Variants in SLC43A2 observed in about 807,000 individuals in gnomAD.
SLC43A2 encodes the protein large neutral amino acids transporter small subunit 4.
A neutral mutation model predicts 63.2 loss-of-function variants in SLC43A2; 38 were observed. The ratio of observed to expected loss-of-function variants is 0.60; its 90% CI spans 0.46 to 0.79. SLC43A2 has a LOEUF of 0.79. Ranked by LOEUF, SLC43A2 falls within the 30% of genes least tolerant of loss-of-function variation. SLC43A2 has a pLI of 0.00. For missense variants in SLC43A2, 644 were observed against 756.2 expected (o/e 0.85, Z 1.74); for synonymous variants, 322 against 331.0 (o/e 0.97, Z 0.30).
chr17:1,595,141 T>C (rs1461525907), intron 5 of SLC43A2, among the ~76,000 whole-genome samples: 1 of 151,634 alleles, frequency 6.6e-6, no homozygotes, highest in Non-Finnish European at 1.5e-5. Context: ...ATTAGCCGGA[T>C]GTGGTGGCAG....
intron 11 of SLC43A2, among the ~76,000 whole-genome samples, chr17:1,581,809 T>G (rs957703511): frequency 2.0e-5 from 3 of 151,262 alleles, no homozygotes; most frequent in Middle Eastern, 3.4e-3. Flanking sequence ...AAATTCAGTT[T>G]TTTTTTTTTT....
At chr17:1,615,685 T>TAAATAACACAC (rs1447376127) in intron 3 of SLC43A2, among the ~76,000 whole-genome samples, 3 of 148,244 alleles carry the variant, frequency 2.0e-5, no homozygotes, top group Non-Finnish European at 4.5e-5. Flanking sequence ...CTACTAAAAA[T>TAAATAACACAC]ACAAAAAATT....
At chr17:1,594,671 T>C (rs1477893125) in intron 5 of SLC43A2, among the ~76,000 whole-genome samples, 1 of 143,626 alleles carries the variant, frequency 7.0e-6, no homozygotes, top group African/African-American at 2.6e-5. Flanking sequence ...CACTGCAAGC[T>C]CCGCCTCCCA....
chr17:1,600,110 T>C (rs1905794701), intron 5 of SLC43A2, among the ~76,000 whole-genome samples: 1 of 139,948 alleles, frequency 7.1e-6, no homozygotes, highest in South Asian at 2.2e-4. Context: ...CTTTTTTTTT[T>C]TTACAGTAAG....
intron 5 of SLC43A2, chr17:1,604,949 G>A (rs756077192): frequency 2.7e-6 from 4 of 1,499,446 alleles, no homozygotes; most frequent in Non-Finnish European, 1.8e-6. Context: ...CGGAGTGAGG[G>A]CTGAGCGCTG....
intron 2 of SLC43A2, among the ~76,000 whole-genome samples, chr17:1,618,291 T>G (rs565153693): frequency 1.3e-5 from 2 of 152,352 alleles, no homozygotes; most frequent in East Asian, 3.9e-4. Flanking sequence ...TCTAGCTCAG[T>G]TTCCTTGTCC....
Position 1,572,534 on chromosome 17 carries a change from G to T in SLC43A2, c.*3070C>A, listed in dbSNP as rs1250820408. The stretch of plus-strand genomic sequence containing the variant: ...GATGATCATATGTGTTTAACTCCCA[G>T]ATTGTTATCAAGTCAAGGACAACAA... On this transcript the variant is annotated 3_prime_UTR_variant, in exon 14 of 14. Transcript: ENST00000301335. 2 of 152,238 alleles carry T rather than the reference G, an allele frequency of 1.3e-5. No homozygotes were observed. Among genetic ancestry groups the T allele is most frequent in the Admixed American group, 1.3e-4 (2 of 15,278 alleles). The allele number at this position is 152,238 out of a possible 1,614,324, so 9.4% of individuals were successfully genotyped here.
chr17:1,590,547 A>ACACACCC (rs556506769), intron 9 of SLC43A2, among the ~76,000 whole-genome samples: 5 of 152,050 alleles, frequency 3.3e-5, no homozygotes, highest in African/African-American at 7.2e-5. Context: ...ACTGGAAAAC[A>ACACACCC]CACACCCCAC....
chr17:1,596,970 A>T (rs562927599), intron 5 of SLC43A2, among the ~76,000 whole-genome samples: 6 of 152,266 alleles, frequency 3.9e-5, no homozygotes, highest in African/African-American at 1.4e-4. Flanking sequence ...TCATCCCAGC[A>T]CTTTGGGAGG....
At chr17:1,617,717 C>T (rs1246620191) in intron 2 of SLC43A2, among the ~76,000 whole-genome samples, 6 of 152,130 alleles carry the variant, frequency 3.9e-5, no homozygotes, top group Non-Finnish European at 8.8e-5. Context: ...ATTTTCCTTG[C>T]CGGGGTCACA....
At chr17:1,588,243 G>A (rs1567618265) in intron 9 of SLC43A2, among the ~76,000 whole-genome samples, 1 of 152,074 alleles carries the variant, frequency 6.6e-6, no homozygotes, top group Non-Finnish European at 1.5e-5. Context: ...AAAATTAGCT[G>A]GGCATGGTGG....
intron 6 of SLC43A2, 40 bp from the exon 7 acceptor site, chr17:1,591,739 G>GGGGGGGGGGGGGGGGGCC: frequency 2.0e-6 from 1 of 512,310 alleles, no homozygotes. Flanking sequence ...GGGGGAGGGG[G>GGGGGGGGGGGGGGGGGCC]CAGAGTTAGC....
chr17:1,577,143 C>T lies in SLC43A2; in HGVS notation c.1425-423G>A, dbSNP rs2075946601. 6.6e-6 allele frequency among the ~76,000 whole-genome samples: 1 copy of T among 152,044 alleles called. No homozygotes were observed. Among genetic ancestry groups the T allele is most frequent in the South Asian group, 2.1e-4 (1 of 4,818 alleles). ...CCTCCCAAAGTTCTGGGATTACAGGCGTGAGCCACCGCGCCCGGCCCTGCT... is the reference window on the plus strand; with the variant it reads ...CCTCCCAAAGTTCTGGGATTACAGGTGTGAGCCACCGCGCCCGGCCCTGCT... On this transcript the variant is annotated intron_variant, in intron 12 of 13. Coordinates refer to ENST00000301335, the MANE Select transcript of SLC43A2 (RefSeq NM_152346.3). This position sits in a 1 kb window ranked among gnomAD's most constrained non-coding sequence, Gnocchi z 4.9.
In SLC43A2 at chr17:1,572,923, A is replaced by C. The variant is rs566859843; in HGVS notation, c.*2681T>G. 1 of 152,336 alleles carries C rather than the reference A, an allele frequency of 6.6e-6. No homozygotes were observed. Among genetic ancestry groups the C allele is most frequent in the African/African-American group, 2.4e-5 (1 of 41,562 alleles). The allele number at this position is 152,336 out of a possible 1,614,324, so 9.4% of individuals were successfully genotyped here. A position where few individuals can be genotyped will look rare whatever the true frequency, so the allele number is the denominator to read the frequency against. On this transcript the variant is annotated 3_prime_UTR_variant, in exon 14 of 14. Transcript: ENST00000301335. ...CATTGTGACTCACGCCTGTAATCTC[A>C]GCACTTTGGGAGGCTGAGGTGGGAG...
chr17:1,575,836 C>T lies in SLC43A2; in HGVS notation c.1549-71G>A, dbSNP rs1016182872. 2.0e-4 allele frequency: 298 copies of T among 1,501,838 alleles called. 1 individual carries two copies. Among genetic ancestry groups the T allele is most frequent in the Non-Finnish European group, 8.5e-5 (95 of 1,121,414 alleles). 93.0% of individuals were successfully genotyped at this position (1,501,838 alleles called of 1,614,324 possible). ...CGAGGCTGCAGACCCGCCCTCCACTCGGGTTTGGGAAAGGGGAGAAGGTCA... is the reference window on the plus strand; with the variant it reads ...CGAGGCTGCAGACCCGCCCTCCACTTGGGTTTGGGAAAGGGGAGAAGGTCA... On this transcript the variant is annotated intron_variant, in intron 13 of 13. Coordinates refer to ENST00000301335, the MANE Select transcript of SLC43A2 (RefSeq NM_152346.3).
chr17:1,627,847 G>A lies in SLC43A2; in HGVS notation c.28C>T (p.Arg10Trp), dbSNP rs1051537002. 1.3e-6 allele frequency: 2 copies of A among 1,583,758 alleles called. No homozygotes were observed. The highest frequency in any genetic ancestry group is 1.8e-5 in the Admixed American group (1 of 55,686). ...GTGCAGGCCATCCACCAGCGGCGCCGATGGGCAGTGGCCAGGGTGGGCGCC... is the reference window on the plus strand; with the variant it reads ...GTGCAGGCCATCCACCAGCGGCGCCAATGGGCAGTGGCCAGGGTGGGCGCC... Reference protein sequence around the residue: MAPTLATAHRRRWWMACTAV... With the variant: MAPTLATAHWRRWWMACTAV... Residue 10 changes from arginine (R) to tryptophan (W), a missense_variant, in exon 2 of 14, where the codon CGG becomes TGG. Physicochemically the swap from Arg to Trp is moderately radical, Grantham distance 101. Coordinates refer to ENST00000301335, the MANE Select transcript of SLC43A2 (RefSeq NM_152346.3).
intron 2 of SLC43A2, among the ~76,000 whole-genome samples, chr17:1,627,192 A>T (rs1305875868): frequency 6.6e-6 from 1 of 152,202 alleles, no homozygotes; most frequent in African/African-American, 2.4e-5. Flanking sequence ...CAGCAAAAAT[A>T]GACAAGAAAT....
intron 5 of SLC43A2, among the ~76,000 whole-genome samples, chr17:1,600,135 AATATAT>A (rs546467041): frequency 2.1e-5 from 1 of 47,936 alleles, no homozygotes; most frequent in African/African-American, 9.0e-5. Context: ...ATATTAATTG[AATATAT>A]ATATATATAT....
At position 1,583,376 on chromosome 17, in the gene SLC43A2, C is replaced by T. The variant is rs771627200; in HGVS notation, c.1218-40G>A. Reference sequence around the variant, plus strand: ...AACGTGCAGGGGTGGGAGGGCTCCCCGGAGGAAGCCGGGTGCTCCTGAGAA... The same window carrying T: ...AACGTGCAGGGGTGGGAGGGCTCCCTGGAGGAAGCCGGGTGCTCCTGAGAA... On this transcript the variant is annotated intron_variant, in intron 10 of 13. Transcript: ENST00000301335. This position sits in a 1 kb window ranked among gnomAD's most constrained non-coding sequence, Gnocchi z 5.5. 25 of 1,604,934 alleles carry T rather than the reference C, an allele frequency of 1.6e-5. No individual in the cohort carries two copies. Among genetic ancestry groups the T allele is most frequent in the South Asian group, 5.5e-5 (5 of 90,904 alleles).
Sources: gnomAD v4.1 joint callset for allele counts (sites outside exome capture counted in the v4.1 genomes callset) on GRCh38, gnomAD v4.1.1 for gene constraint, Gnocchi (gnomAD v3.1) non-coding constraint, MANE v1.5 for transcripts, NCBI Gene and HGNC (gene_info 2026-07-23, HGNC 2026-07-21) for gene names.